The following CDH13 variants were observed in gnomAD, a reference collection of about 807,000 sequenced individuals.
The protein encoded by CDH13 is cadherin-13.
CDH13 carries 24 observed loss-of-function variants against 63.8 expected under a neutral mutation model. The ratio of observed to expected loss-of-function variants is 0.38; its 90% CI spans 0.27 to 0.53. The LOEUF is 0.53. CDH13 is among the 20% of genes least tolerant of loss of function. CDH13 has a pLI of 0.85. For missense variants in CDH13, 1,049 were observed against 903.1 expected, an observed-to-expected ratio of 1.16 and a Z score of -2.07; for synonymous variants, 503 against 355.3, an observed-to-expected ratio of 1.42 and a Z score of -4.67.
At chr16:82,831,108 G>A (rs1249742732) in intron 1 of CDH13, among the ~76,000 whole-genome samples, 1 of 152,062 alleles carries the variant, frequency 6.6e-6, no homozygotes, top group Non-Finnish European at 1.5e-5. Context: ...GCACTTGTCA[G>A]AAATGCAGCA....
intron 4 of CDH13, among the ~76,000 whole-genome samples, chr16:83,211,547 A>G (rs1390909660): frequency 6.6e-6 from 1 of 152,208 alleles, no homozygotes; most frequent in Non-Finnish European, 1.5e-5. Flanking sequence ...TGTATCATTC[A>G]TTACAGCTGA....
chr16:83,011,247 G>C (rs1706190556), intron 2 of CDH13, among the ~76,000 whole-genome samples: 2 of 152,236 alleles, frequency 1.3e-5, no homozygotes, highest in Non-Finnish European at 2.9e-5. Context: ...CCTCTATTAA[G>C]TGGAGAAATA....
intron 6 of CDH13, among the ~76,000 whole-genome samples, chr16:83,432,949 C>A (rs1475582461): frequency 6.6e-6 from 1 of 152,198 alleles, no homozygotes; most frequent in Non-Finnish European, 1.5e-5. Context: ...GAATTACTTT[C>A]ACTTTACAAA....
intron 8 of CDH13, among the ~76,000 whole-genome samples, chr16:83,604,750 C>T (rs1276776811): frequency 6.6e-6 from 1 of 152,098 alleles, no homozygotes; most frequent in African/African-American, 2.4e-5. Context: ...TCAATATAAA[C>T]TTAACGATGG....
rs112166889 is a variant in CDH13, at chr16:83,140,301, C to A, written c.483+14800C>A. On this transcript the variant is annotated intron_variant, in intron 4 of 13. Transcript: ENST00000567109. ...TTGTGCTCATGCATTTTCCACTTGC[C>A]AATGTCTCAGAAACCTTCTTCATGT... Among the ~76,000 whole-genome samples the A allele has an allele frequency of 7.9e-3, 1,197 of 152,288 alleles. 11 individuals are homozygous for A. The highest frequency in any genetic ancestry group is 0.013 in the Non-Finnish European group (903 of 68,018).
intron 4 of CDH13, among the ~76,000 whole-genome samples, chr16:83,180,662 T>C (rs766870742): frequency 1.1e-4 from 16 of 152,242 alleles, no homozygotes; most frequent in Non-Finnish European, 1.9e-4. Flanking sequence ...CTTGGAACTA[T>C]GCAGACTCCC....
intron 4 of CDH13, among the ~76,000 whole-genome samples, chr16:83,158,715 G>T (rs1041307127): frequency 2.0e-5 from 3 of 152,222 alleles, no homozygotes; most frequent in Admixed American, 1.3e-4. Context: ...CTGCTCCATG[G>T]CCAGGAAGGT....
At chr16:83,267,671 A>T (rs2088666218) in intron 5 of CDH13, among the ~76,000 whole-genome samples, 1 of 152,180 alleles carries the variant, frequency 6.6e-6, no homozygotes, top group Non-Finnish European at 1.5e-5. Context: ...CACTCATCAT[A>T]TGATGCCTTT....
chr16:83,441,634 G>A (rs1364545144), intron 6 of CDH13, among the ~76,000 whole-genome samples: 1 of 152,138 alleles, frequency 6.6e-6, no homozygotes, highest in Non-Finnish European at 1.5e-5. Context: ...CCCAGCTCCT[G>A]CTTTTCCTGA....
chr16:83,794,645 T>C (rs951940189), intron 13 of CDH13, among the ~76,000 whole-genome samples: 88 of 145,978 alleles, frequency 6.0e-4, no homozygotes, highest in African/African-American at 2.2e-3. Context: ...ATATATATAG[T>C]CACAGGAAGT....
intron 4 of CDH13, among the ~76,000 whole-genome samples, chr16:83,148,512 A>G (rs535072239): frequency 1.2e-4 from 18 of 152,332 alleles, no homozygotes; most frequent in African/African-American, 4.3e-4. Context: ...ACCTTGGTCA[A>G]TGTACGTAAT....
chr16:83,654,425 G>C (rs1435562950), intron 8 of CDH13, among the ~76,000 whole-genome samples: 1 of 151,960 alleles, frequency 6.6e-6, no homozygotes, highest in Non-Finnish European at 1.5e-5. Flanking sequence ...CAGGTCAGGA[G>C]ACCAGGATGG....
At chr16:83,458,835 C>T (rs924732856) in intron 6 of CDH13, among the ~76,000 whole-genome samples, 30 of 152,228 alleles carry the variant, frequency 2.0e-4, no homozygotes, top group African/African-American at 7.0e-4. Flanking sequence ...TCTGACTCAA[C>T]CCAAGTCTGA....
intron 5 of CDH13, among the ~76,000 whole-genome samples, chr16:83,279,175 G>T (rs1293218543): frequency 1.3e-5 from 2 of 151,896 alleles, no homozygotes; most frequent in Non-Finnish European, 2.9e-5. Flanking sequence ...CCAAAGGTAA[G>T]AATTCCATGT....
intron 1 of CDH13, among the ~76,000 whole-genome samples, chr16:82,719,105 T>C (rs1236894783): frequency 1.3e-5 from 2 of 152,170 alleles, no homozygotes; most frequent in African/African-American, 4.8e-5. Context: ...GTGAAAGTTA[T>C]TTGCAGTTTG....
chr16:83,451,370 C>G (rs2072882900), intron 6 of CDH13, among the ~76,000 whole-genome samples: 1 of 152,142 alleles, frequency 6.6e-6, no homozygotes, highest in East Asian at 1.9e-4. Context: ...GACTTATTCC[C>G]TATCATGAGA....
At chr16:83,208,861 T>G (rs1326740436) in intron 4 of CDH13, among the ~76,000 whole-genome samples, 2 of 152,114 alleles carry the variant, frequency 1.3e-5, no homozygotes, top group Admixed American at 1.3e-4. Context: ...GTACTAGAAT[T>G]TATTTATCTA....
chr16:82,725,668 G>C (rs770403116), intron 1 of CDH13, among the ~76,000 whole-genome samples: 3 of 152,094 alleles, frequency 2.0e-5, no homozygotes, highest in Non-Finnish European at 4.4e-5. Flanking sequence ...TCTATACATT[G>C]TACCTTTATT....
At chr16:82,772,198 A>G (rs12597383) in intron 1 of CDH13, among the ~76,000 whole-genome samples, 19,274 of 152,142 alleles carry the variant, frequency 0.13, 1,953 homozygotes, top group East Asian at 0.52. Context: ...TATCTACACC[A>G]TGGAAATTGG....
Sources: allele counts gnomAD v4.1 joint callset (sites outside exome capture counted in the v4.1 genomes callset), GRCh38; gene constraint gnomAD v4.1.1; transcripts MANE v1.5; gene names NCBI Gene and HGNC (gene_info 2026-07-23, HGNC 2026-07-21).